The following VPS4A variants were observed in gnomAD, a reference collection of about 807,000 sequenced individuals.
The protein encoded by VPS4A is vacuolar protein sorting 4 homolog A.
Under a neutral mutation model 52.3 loss-of-function variants are expected in VPS4A, and 20 were observed. The ratio of observed to expected loss-of-function variants is 0.38; its 90% CI spans 0.27 to 0.56. VPS4A has a LOEUF of 0.56. VPS4A is among the 20% of genes least tolerant of loss of function. VPS4A has a pLI of 0.72. For synonymous variants in VPS4A, 293 were observed against 227.7 expected (o/e 1.29, Z -2.58); for missense variants, 419 against 575.9 (o/e 0.73, Z 2.79).
At chr16:69,318,780 C>G (rs778001554) in intron 4 of VPS4A, 43 bp from the exon 5 acceptor site, 18 of 1,612,280 alleles carry the variant, frequency 1.1e-5, no homozygotes, top group Non-Finnish European at 1.5e-5. Context: ...TTGGCTCATG[C>G]CCCTTGGCCG....
At position 69,320,109 on chromosome 16, in the gene VPS4A, T is replaced by C; in HGVS notation, c.621-32T>C. 6.2e-7 allele frequency: 1 copy of C among 1,602,138 alleles called. No individual in the cohort carries two copies. The highest frequency in any genetic ancestry group is 8.5e-7 in the Non-Finnish European group (1 of 1,170,894). The stretch of plus-strand genomic sequence containing the variant: ...GCCCAGGCGGGCACGGACGTGAACG[T>C]CTTGTCCTCACCCCCTTTCTCACCT... On this transcript the variant is annotated intron_variant, in intron 6 of 10. Coordinates refer to ENST00000254950, the MANE Select transcript of VPS4A (RefSeq NM_013245.3). This position sits in a 1 kb window ranked among gnomAD's most constrained non-coding sequence, Gnocchi z 4.2.
At position 69,321,091 on chromosome 16, in the gene VPS4A, GC is replaced by G; in HGVS notation, c.895del (p.Arg299AlafsTer48). On this transcript the variant is annotated frameshift_variant, in exon 9 of 11. Coordinates refer to ENST00000254950, the MANE Select transcript of VPS4A (RefSeq NM_013245.3). LOFTEE classifies it high-confidence loss of function. The surrounding 1 kb of genome is among the most constrained non-coding windows in gnomAD (Gnocchi z 4.5). ...TTATATCCCCTTGCCGGAGGAAGCT[GC>G]CCGCGCCCAGATGTTCCGGTTGCAT... ...RIYIPLPEEA[A>X]RAQMFRLHLG... 1 of 1,596,336 alleles carries G rather than the reference GC, an allele frequency of 6.3e-7. No homozygotes were observed. Among genetic ancestry groups the G allele is most frequent in the Admixed American group, 1.7e-5 (1 of 58,254 alleles).
At position 69,325,131 on chromosome 16, in the gene VPS4A, TCTC is replaced by T. The variant is rs1343580069; in HGVS notation, c.*826_*828del. On this transcript the variant is annotated 3_prime_UTR_variant, in exon 11 of 11. Transcript: ENST00000254950. ...AATTAAAAGACCCTCTGGTTTTCTG[TCTC>T]CTCTCTTTTCTAAAGCAGAGCAGGA... 1 of 152,290 alleles carries T rather than the reference TCTC, an allele frequency of 6.6e-6. No homozygotes were observed. Among genetic ancestry groups the T allele is most frequent in the Non-Finnish European group, 1.5e-5 (1 of 68,086 alleles). 9.4% of individuals were successfully genotyped at this position (152,290 alleles called of 1,614,324 possible).
rs1965527680 is a variant in VPS4A at position 69,322,595 on chromosome 16, G to A, written c.1107G>A (p.Met369Ile). 6 of 1,613,868 alleles carry A rather than the reference G, an allele frequency of 3.7e-6. No individual in the cohort carries two copies. Reference protein sequence around the residue: ...CGPSRTNPSMMIDDLLTPCSP... With the variant: ...CGPSRTNPSMIIDDLLTPCSP... ...CCTCTCGCACCAACCCCAGCATGAT[G>A]ATTGATGACCTCCTGACTCCATGCT... Residue 369 changes from methionine to isoleucine, a missense_variant, in exon 10 of 11, where the codon ATG (methionine) becomes ATA (isoleucine). Transcript: ENST00000254950.
chr16:69,318,372 C>G (rs1051258247), intron 3 of VPS4A, among the ~76,000 whole-genome samples: 1 of 152,226 alleles, frequency 6.6e-6, no homozygotes, highest in Non-Finnish European at 1.5e-5. Flanking sequence ...AGCACATTTC[C>G]CTTACGGCCT....
intron 1 of VPS4A, among the ~76,000 whole-genome samples, chr16:69,312,844 C>T (rs1965393482): frequency 1.3e-5 from 2 of 151,018 alleles, no homozygotes; most frequent in South Asian, 2.1e-4. Context: ...AACTCCCGAC[C>T]TCAGATGATC....
intron 3 of VPS4A, among the ~76,000 whole-genome samples, chr16:69,317,919 A>G (rs1230301721): frequency 7.3e-6 from 1 of 136,098 alleles, no homozygotes; most frequent in Non-Finnish European, 1.6e-5. Flanking sequence ...TGAGATGGAG[A>G]TTGTGCCATC....
intron 1 of VPS4A, among the ~76,000 whole-genome samples, chr16:69,315,051 T>C (rs1255483642): frequency 6.6e-6 from 1 of 152,092 alleles, no homozygotes; most frequent in Non-Finnish European, 1.5e-5. Flanking sequence ...CTGGCCAACA[T>C]GGTGAAACTC....
At chr16:69,311,962 G>A (rs1165422044) in intron 1 of VPS4A, among the ~76,000 whole-genome samples, 1 of 152,198 alleles carries the variant, frequency 6.6e-6, no homozygotes, top group Admixed American at 6.5e-5. Context: ...AACAAGCCCC[G>A]GCCCCTTCCC....
intron 3 of VPS4A, 63 bp downstream of exon 3, chr16:69,316,435 G>T: frequency 6.3e-7 from 1 of 1,589,008 alleles, no homozygotes; most frequent in Non-Finnish European, 8.6e-7. Flanking sequence ...ATCATTCCTG[G>T]CGCTCATGCT....
In VPS4A at chr16:69,324,734, C is replaced by A; in HGVS notation, c.*425C>A. ...CAGACCTCCAGACAGCCGGCTAGCCCCACTGCCCGTTCCTTTTACGCCCAA... is the reference window on the plus strand; with the variant it reads ...CAGACCTCCAGACAGCCGGCTAGCCACACTGCCCGTTCCTTTTACGCCCAA... On this transcript the variant is annotated 3_prime_UTR_variant, in exon 11 of 11. Coordinates refer to ENST00000254950, the MANE Select transcript of VPS4A (RefSeq NM_013245.3). 2 of 201,114 alleles carry A rather than the reference C, an allele frequency of 9.9e-6. No individual in the cohort carries two copies. Among genetic ancestry groups the A allele is most frequent in the Non-Finnish European group, 2.1e-5 (2 of 95,296 alleles). The allele number at this position is 201,114 out of a possible 1,614,324, so 12.5% of individuals were successfully genotyped here.
At chr16:69,319,942 G>A (rs1468828268) in intron 6 of VPS4A, among the ~76,000 whole-genome samples, 199 bp from the exon 7 acceptor site, 2 of 152,196 alleles carry the variant, frequency 1.3e-5, no homozygotes, top group Non-Finnish European at 1.5e-5. Context: ...GAGGCTCTGC[G>A]TTTGGGGCTG....
chr16:69,320,692 G>A lies in VPS4A; in HGVS notation c.774G>A (p.Val258=), dbSNP rs1965499231. ...KTEFLVQMQG[V]GNNNDGTLVL... Reference sequence around the variant, plus strand: ...TTTGTCTCCCTTTCTCCACAGGGGTGGGGAATAACAATGATGGGACTCTGG... The same window carrying A: ...TTTGTCTCCCTTTCTCCACAGGGGTAGGGAATAACAATGATGGGACTCTGG... The change falls in exon 8 of 11, where the codon GTG becomes GTA. Residue 258 remains valine (V), a synonymous_variant. Coordinates refer to ENST00000254950, the MANE Select transcript of VPS4A (RefSeq NM_013245.3). This position sits in a 1 kb window ranked among gnomAD's most constrained non-coding sequence, Gnocchi z 4.2. 1 of 1,602,896 alleles carries A rather than the reference G, an allele frequency of 6.2e-7. No homozygotes were observed. The highest frequency in any genetic ancestry group is 1.1e-5 in the South Asian group (1 of 88,752).
At chr16:69,313,123 C>T (rs28482858) in intron 1 of VPS4A, among the ~76,000 whole-genome samples, 3,762 of 151,886 alleles carry the variant, frequency 0.025, 164 homozygotes, top group African/African-American at 0.086. Flanking sequence ...GGATTACAGG[C>T]ACCTCCCATC....
At chr16:69,315,971 C>T (rs1423213440) in intron 1 of VPS4A, 37 bp from the exon 2 acceptor site, 1 of 1,589,394 alleles carries the variant, frequency 6.3e-7, no homozygotes, top group African/African-American at 1.3e-5. Context: ...TTCCACCTCT[C>T]CGAGGAAGCA....
intron 10 of VPS4A, chr16:69,323,356 C>T (rs887278889): frequency 1.0e-4 from 24 of 238,004 alleles, no homozygotes; most frequent in Admixed American, 1.6e-4. Flanking sequence ...CACAGTGTTG[C>T]CCAGGCCAGT....
Position 69,322,668 on chromosome 16 carries a change from G to A in VPS4A, c.1180G>A (p.Gly394Arg). 1 of 1,613,842 alleles carries A rather than the reference G, an allele frequency of 6.2e-7. No individual in the cohort carries two copies. The highest frequency in any genetic ancestry group is 8.5e-7 in the Non-Finnish European group (1 of 1,179,832). ...AMEMTWMDVPGDKLLEPVVCM... is the reference protein window; with the variant it reads ...AMEMTWMDVPRDKLLEPVVCM... ...GGAGATGACTTGGATGGATGTCCCT[G>A]GGGACAAACTCTTAGAGCCTGTGGT... The change falls in exon 10 of 11, where the codon GGG becomes AGG. Residue 394 changes from glycine (G) to arginine (R), a missense_variant. By Grantham distance (125) the Gly-to-Arg change is moderately radical. This residue lies in a region of VPS4A where 185 missense variants were observed against 200.2 expected (regional missense o/e 0.92). Transcript: ENST00000254950.
Position 69,324,571 on chromosome 16 carries a change from C to A in VPS4A, c.*262C>A, listed in dbSNP as rs889852964. ...GCTCATCAGCTCCTTCTGCCTCCCC[C>A]CCTTTTTTTTCCATCTTTTGTTCCC... On this transcript the variant is annotated 3_prime_UTR_variant, in exon 11 of 11. Coordinates refer to ENST00000254950, the MANE Select transcript of VPS4A (RefSeq NM_013245.3). 2 of 439,726 alleles carry A rather than the reference C, an allele frequency of 4.5e-6. No individual in the cohort carries two copies. The highest frequency in any genetic ancestry group is 2.0e-5 in the African/African-American group (1 of 51,186). The allele number at this position is 439,726 out of a possible 1,614,324, so 27.2% of individuals were successfully genotyped here.
At chr16:69,319,028 C>T (rs1407752112) in intron 5 of VPS4A, 86 bp downstream of exon 5, 13 of 1,549,580 alleles carry the variant, frequency 8.4e-6, no homozygotes, top group Non-Finnish European at 1.1e-5. Context: ...GAGTCAGTGG[C>T]GACTCAGCCC....
Sources: allele counts gnomAD v4.1 joint callset (sites outside exome capture counted in the v4.1 genomes callset), GRCh38; gene constraint gnomAD v4.1.1; regional missense constraint gnomAD v4.1.1; non-coding constraint Gnocchi (gnomAD v3.1); transcripts MANE v1.5; gene names NCBI Gene and HGNC (gene_info 2026-07-23, HGNC 2026-07-21).